The following PRPF8 variants were observed in gnomAD, a reference collection of about 807,000 sequenced individuals.
PRPF8 encodes the protein pre-mRNA-processing-splicing factor 8.
Under a neutral mutation model 285.9 loss-of-function variants are expected in PRPF8, and 64 were observed. That is an observed-to-expected ratio of 0.22 (90% CI 0.18 to 0.28). The LOEUF (loss-of-function observed/expected upper bound fraction) is 0.28, where lower values mean the gene tolerates loss of function less well. Ranked by LOEUF, PRPF8 falls within the 10% of genes least tolerant of loss-of-function variation. PRPF8 has a pLI of 1.00. For missense variants in PRPF8, 1,426 were observed against 3,026.7 expected, an observed-to-expected ratio of 0.47 and a Z score of 12.41; for synonymous variants, 1,325 against 1,118.2, an observed-to-expected ratio of 1.18 and a Z score of -3.69.
chr17:1,680,878 AC>A, intron 7 of PRPF8, 47 bp from the exon 8 acceptor site: 2 of 1,614,144 alleles, frequency 1.2e-6, no homozygotes, highest in Middle Eastern at 1.6e-4. Context: ...CCCTGGCCCA[AC>A]CTAAACAGCA....
Position 1,679,224 on chromosome 17 carries a change from A to AG in PRPF8, c.1410-19dup. On this transcript the variant is annotated intron_variant, in intron 10 of 42. Coordinates refer to ENST00000304992, the MANE Select transcript of PRPF8 (RefSeq NM_006445.4). This position sits in a 1 kb window ranked among gnomAD's most constrained non-coding sequence, Gnocchi z 4.7. ...ACAAATACCTGAGGTGGGAACATGGAGAGTAAGAGTCAGCCTACTGATATC... is the reference window on the plus strand; with the variant it reads ...ACAAATACCTGAGGTGGGAACATGGAGGAGTAAGAGTCAGCCTACTGATATC... The AG allele has an allele frequency of 6.2e-7, 1 of 1,614,206 alleles. No individual in the cohort carries two copies. Among genetic ancestry groups the AG allele is most frequent in the Non-Finnish European group, 8.5e-7 (1 of 1,180,028 alleles).
Position 1,673,056 on chromosome 17 carries a change from G to A in PRPF8, c.3774+25C>T. On this transcript the variant is annotated intron_variant, in intron 24 of 42. Transcript: ENST00000304992. The surrounding 1 kb of genome is among the most constrained non-coding windows in gnomAD (Gnocchi z 5.5). ...GCAGAGGACAGCAGAGGACAAGAGGGAAGCTGGGCATGACGGCCCTGTACC... is the reference window on the plus strand; with the variant it reads ...GCAGAGGACAGCAGAGGACAAGAGGAAAGCTGGGCATGACGGCCCTGTACC... 3 of 1,603,814 alleles carry A rather than the reference G, an allele frequency of 1.9e-6. No homozygotes were observed. Among genetic ancestry groups the A allele is most frequent in the Non-Finnish European group, 2.6e-6 (3 of 1,170,648 alleles).
chr17:1,651,767 C>A lies in PRPF8; in HGVS notation c.6391G>T (p.Val2131Leu). The A allele has an allele frequency of 6.2e-7, 1 of 1,614,138 alleles. No homozygotes were observed. Among genetic ancestry groups the A allele is most frequent in the Non-Finnish European group, 8.5e-7 (1 of 1,180,034 alleles). The change falls in exon 40 of 43, where the codon GTG becomes TTG. Residue 2131 changes from valine to leucine, a missense_variant. Physicochemically the swap from Val to Leu is conservative, Grantham distance 32 (BLOSUM62 1). This residue lies in a region of PRPF8 where 160 missense variants were observed against 373.7 expected (regional missense o/e 0.43). Coordinates refer to ENST00000304992, the MANE Select transcript of PRPF8 (RefSeq NM_006445.4). The surrounding 1 kb of genome is among the most constrained non-coding windows in gnomAD (Gnocchi z 5.1). The stretch of plus-strand genomic sequence containing the variant: ...ACCTGGGGGTTATCTGGTGGGCTCA[C>A]CCCATATAGGTATCCTGCAATCTGG... ...RAQIAGYLYG[V>L]SPPDNPQVKE...
In PRPF8 at chr17:1,681,624, G is replaced by A; in HGVS notation, c.720C>T (p.Arg240=). The change falls in exon 6 of 43, where the codon CGC becomes CGT. Residue 240 remains arginine (R), a synonymous_variant. Coordinates refer to ENST00000304992, the MANE Select transcript of PRPF8 (RefSeq NM_006445.4). ...FTLPMMSTLY[R]LANQLLTDLV... ...AGTCTGTCAGGAGCTGATTAGCCAG[G>A]CGGTAGAGAGTCGACATCATAGGTA... The A allele has an allele frequency of 6.2e-7, 1 of 1,614,108 alleles. No homozygotes were observed. Among genetic ancestry groups the A allele is most frequent in the Non-Finnish European group, 8.5e-7 (1 of 1,180,020 alleles).
At chr17:1,662,273 A>G in intron 24 of PRPF8, 120 bp from the exon 25 acceptor site, 2 of 1,146,110 alleles carry the variant, frequency 1.7e-6, no homozygotes, top group South Asian at 2.6e-5. Flanking sequence ...CAACATCATT[A>G]GTCACTAGGG....
Position 1,675,200 on chromosome 17 carries a change from G to A in PRPF8, c.3012C>T (p.Asn1004=). 3 of 1,614,168 alleles carry A rather than the reference G, an allele frequency of 1.9e-6. No homozygotes were observed. Among genetic ancestry groups the A allele is most frequent in the Non-Finnish European group, 2.5e-6 (3 of 1,180,040 alleles). Residue 1004 remains asparagine, a synonymous_variant, in exon 20 of 43, where the codon AAC becomes AAT. Transcript: ENST00000304992. The surrounding 1 kb of genome is among the most constrained non-coding windows in gnomAD (Gnocchi z 6.0). ...NRLLRLIVDH[N]IADYMTAKNN... ...TCTTGGCTGTCATGTAGTCGGCTAT[G>A]TTGTGGTCCACGATGAGGCGCAGCA...
At position 1,658,962 on chromosome 17, in the gene PRPF8, A is replaced by G. The variant is rs901977648; in HGVS notation, c.5139-199T>C. On this transcript the variant is annotated intron_variant, in intron 32 of 42. Transcript: ENST00000304992. The surrounding 1 kb of genome is among the most constrained non-coding windows in gnomAD (Gnocchi z 4.1). ...CTTCCTCTCACTTAGGTAAAGTAAA[A>G]AAGTATGACTACGTTAAAGTATGGA... 2.0e-5 allele frequency: 14 copies of G among 693,544 alleles called. No homozygotes were observed. The Admixed American group carries it at 2.7e-4, about 13-fold the overall frequency. The allele number at this position is 693,544 out of a possible 1,614,324, so 43.0% of individuals were successfully genotyped here.
rs537510343 is a variant in PRPF8 at position 1,682,396 on chromosome 17, C to A, written c.270-103G>T. On this transcript the variant is annotated intron_variant, in intron 3 of 42. Coordinates refer to ENST00000304992, the MANE Select transcript of PRPF8 (RefSeq NM_006445.4). ...GTTCATGTTCCACAGTCCTACCTTA[C>A]AATCCAAACTCCCAAACTTAGCCCA... is the stretch of plus-strand genomic sequence containing the variant. 5 of 1,452,004 alleles carry A rather than the reference C, an allele frequency of 3.4e-6. No individual in the cohort carries two copies. The Admixed American group carries it at 8.6e-5, about 25-fold the overall frequency. The allele number at this position is 1,452,004 out of a possible 1,614,324, so 89.9% of individuals were successfully genotyped here.
chr17:1,658,779 G>T lies in PRPF8; in HGVS notation c.5139-16C>A. ...TCCATAGGCACTGTGAGGATAAAAG[G>T]GTCAAGAAAAGTTAAGACGAGAATG... On this transcript the variant is annotated splice_polypyrimidine_tract_variant and intron_variant, in intron 32 of 42. Transcript: ENST00000304992. The surrounding 1 kb of genome is among the most constrained non-coding windows in gnomAD (Gnocchi z 4.1). The T allele has an allele frequency of 6.2e-7, 1 of 1,610,860 alleles. No homozygotes were observed. The highest frequency in any genetic ancestry group is 8.5e-7 in the Non-Finnish European group (1 of 1,177,064).
chr17:1,666,091 G>A (rs1332349967), intron 24 of PRPF8, among the ~76,000 whole-genome samples: 8 of 144,378 alleles, frequency 5.5e-5, no homozygotes, highest in South Asian at 4.5e-4. Context: ...GCGTGAACCC[G>A]GGAGACGGAG....
chr17:1,680,054 A>G (rs1440007066), intron 8 of PRPF8, among the ~76,000 whole-genome samples: 1 of 152,184 alleles, frequency 6.6e-6, no homozygotes, highest in Non-Finnish European at 1.5e-5. Flanking sequence ...TGGAGCCCCA[A>G]CATCACAGGA....
rs369557869 is a variant in PRPF8, at chr17:1,673,323, G to A, written c.3657+34C>T. ...TGACTGACCCAGGAAGTGCAGGCGCGTTCATGTCACTCCCAGCCCCGCCCA... is the reference window on the plus strand; with the variant it reads ...TGACTGACCCAGGAAGTGCAGGCGCATTCATGTCACTCCCAGCCCCGCCCA... On this transcript the variant is annotated intron_variant, in intron 23 of 42. Coordinates refer to ENST00000304992, the MANE Select transcript of PRPF8 (RefSeq NM_006445.4). This position sits in a 1 kb window ranked among gnomAD's most constrained non-coding sequence, Gnocchi z 5.5. 1.2e-5 allele frequency: 19 copies of A among 1,611,888 alleles called. No homozygotes were observed. The highest frequency in any genetic ancestry group is 5.5e-5 in the South Asian group (5 of 91,020).
At chr17:1,680,314 T>C (rs904693502) in intron 8 of PRPF8, among the ~76,000 whole-genome samples, 5 of 152,200 alleles carry the variant, frequency 3.3e-5, no homozygotes, top group Non-Finnish European at 7.3e-5. Flanking sequence ...GGTTTCTTTC[T>C]CAAGTAATAA....
chr17:1,681,494 G>T lies in PRPF8; in HGVS notation c.850C>A (p.Arg284=). The change falls in exon 6 of 43, where the codon CGA becomes AGA. Residue 284 remains arginine, a synonymous_variant. Coordinates refer to ENST00000304992, the MANE Select transcript of PRPF8 (RefSeq NM_006445.4). ...CCAACTCACTGTAGGTTGATGTCTC[G>T]AACAAGAGGTTCAAATTTGGGGCCT... ...PGGPKFEPLV[R]DINLQDEDWN... is the part of the protein sequence containing the mutation. The T allele has an allele frequency of 1.3e-6, 2 of 1,599,114 alleles. No individual in the cohort carries two copies. The highest frequency in any genetic ancestry group is 1.7e-6 in the Non-Finnish European group (2 of 1,166,432).
In PRPF8 at chr17:1,650,805, G is replaced by C; in HGVS notation, c.7005C>G (p.Ala2335=). The C allele has an allele frequency of 6.2e-7, 1 of 1,613,990 alleles. No individual in the cohort carries two copies. The highest frequency in any genetic ancestry group is 8.5e-7 in the Non-Finnish European group (1 of 1,179,988). The change falls in exon 43 of 43, where the codon GCC becomes GCG. Residue 2335 remains alanine (A), a synonymous_variant. Coordinates refer to ENST00000304992, the MANE Select transcript of PRPF8 (RefSeq NM_006445.4). Reference sequence around the variant, plus strand: ...GAAGCAGGAGGCAGGGAAACGGTCAGGCATACAGGTCCTCCCGATCCGCAG... The same window carrying C: ...GAAGCAGGAGGCAGGGAAACGGTCACGCATACAGGTCCTCCCGATCCGCAG... ...VYSADREDLY[A]
At position 1,681,058 on chromosome 17, in the gene PRPF8, G is replaced by A; in HGVS notation, c.867-4C>T. On this transcript the variant is annotated splice_region_variant and splice_polypyrimidine_tract_variant and intron_variant, in intron 6 of 42. Coordinates refer to ENST00000304992, the MANE Select transcript of PRPF8 (RefSeq NM_006445.4). ...GAATTCATTCCAGTCTTCATCCCTA[G>A]GGTACAACATCAAGAATAAGCAGAC... 1 of 1,613,216 alleles carries A rather than the reference G, an allele frequency of 6.2e-7. No homozygotes were observed. Among genetic ancestry groups the A allele is most frequent in the Non-Finnish European group, 8.5e-7 (1 of 1,179,338 alleles).
Position 1,683,613 on chromosome 17 carries a change from T to C in PRPF8, c.189A>G (p.Pro63=). 6.2e-7 allele frequency: 1 copy of C among 1,614,198 alleles called. No homozygotes were observed. Among genetic ancestry groups the C allele is most frequent in the Non-Finnish European group, 8.5e-7 (1 of 1,180,026 alleles). Residue 63 remains proline, a synonymous_variant, in exon 3 of 43, where the codon CCA becomes CCG. Transcript: ENST00000304992. ...CTCGAATGATCTTCCTGACATGTTCTGGGGGCATGTCTTCCTTCTGGGCAT... is the reference window on the plus strand; with the variant it reads ...CTCGAATGATCTTCCTGACATGTTCCGGGGGCATGTCTTCCTTCTGGGCAT... ...FVDAQKEDMP[P]EHVRKIIRDH...
Position 1,679,628 on chromosome 17 carries a change from T to C in PRPF8, c.1270A>G (p.Ile424Val), listed in dbSNP as rs780246763. 5 of 1,613,554 alleles carry C rather than the reference T, an allele frequency of 3.1e-6. No homozygotes were observed. The highest frequency in any genetic ancestry group is 2.2e-5 in the East Asian group (1 of 44,896). ...RSGRTRRALD[I>V]PLVKNWYREH... ...CCTTACCAGTTCTTGACAAGGGGTA[T>C]GTCCAGGGCCCGACGGGTGCGACCA... is the stretch of plus-strand genomic sequence containing the variant. Residue 424 changes from isoleucine to valine, a missense_variant, in exon 9 of 43, where the codon ATA becomes GTA. Physicochemically the swap from Ile to Val is conservative, Grantham distance 29. Transcript: ENST00000304992. The surrounding 1 kb of genome is among the most constrained non-coding windows in gnomAD (Gnocchi z 4.7).
At position 1,659,743 on chromosome 17, in the gene PRPF8, A is replaced by C; in HGVS notation, c.4946+98T>G. The stretch of plus-strand genomic sequence containing the variant: ...AGCGTAGCACTGGCTCCAAGTTTGA[A>C]ACAAAGGCAGACAGGACAATTCCTA... On this transcript the variant is annotated intron_variant, in intron 31 of 42. Coordinates refer to ENST00000304992, the MANE Select transcript of PRPF8 (RefSeq NM_006445.4). This position sits in a 1 kb window ranked among gnomAD's most constrained non-coding sequence, Gnocchi z 5.1. 2 of 1,500,988 alleles carry C rather than the reference A, an allele frequency of 1.3e-6. No homozygotes were observed. The highest frequency in any genetic ancestry group is 1.8e-6 in the Non-Finnish European group (2 of 1,095,104). 93.0% of individuals were successfully genotyped at this position (1,500,988 alleles called of 1,614,324 possible). A position where few individuals can be genotyped will look rare whatever the true frequency, so the allele number is the denominator to read the frequency against.
Sources: gnomAD v4.1 joint callset for allele counts (sites outside exome capture counted in the v4.1 genomes callset) on GRCh38, gnomAD v4.1.1 for gene constraint, gnomAD v4.1.1 regional missense constraint, Gnocchi (gnomAD v3.1) non-coding constraint, MANE v1.5 for transcripts, NCBI Gene and HGNC (gene_info 2026-07-23, HGNC 2026-07-21) for gene names.